APOL4: variants seen among roughly 807,000 people sequenced by gnomAD.
The protein encoded by APOL4 is apolipoprotein L4, also known as apolipoprotein L, 4.
A neutral mutation model predicts 12.1 loss-of-function variants in APOL4; 14 were observed. The ratio of observed to expected loss-of-function variants is 1.16; its 90% CI spans 0.76 to 1.81. The LOEUF (loss-of-function observed/expected upper bound fraction) is 1.81, where lower values mean the gene tolerates loss of function less well. Among genes scored for constraint, APOL4 ranks in the 40% most tolerant of loss-of-function variants. The pLI is 0.00. For missense variants in APOL4, 432 were observed against 423.1 expected (o/e 1.02, Z -0.18); for synonymous variants, 171 against 160.6 (o/e 1.06, Z -0.49).
At chr22:36,195,121 T>A in intron 3 of APOL4, 190 bp downstream of exon 3, 2 of 655,394 alleles carry the variant, frequency 3.1e-6, no homozygotes, top group Non-Finnish European at 2.4e-6. Context: ...TCTTCTCCCC[T>A]CAGCCTGAGG....
Position 36,191,200 on chromosome 22 carries a change from C to T in APOL4, c.922G>A (p.Asp308Asn). The T allele has an allele frequency of 6.2e-7, 1 of 1,613,918 alleles. No individual in the cohort carries two copies. The highest frequency in any genetic ancestry group is 8.5e-7 in the Non-Finnish European group (1 of 1,179,838). ...VVLDVVNLVQ[D>N]SLDLHKGAKS... is the part of the protein sequence containing the mutation. ...GCCCCCTTGTGCAAGTCCAGTGAGT[C>T]TTGCACAAGGTTGACTACATCCAGC... The change falls in exon 4 of 4, where the codon GAC (aspartate) becomes AAC (asparagine). Residue 308 changes from aspartate to asparagine, a missense_variant. Coordinates refer to ENST00000683024, the MANE Select transcript of APOL4 (RefSeq NM_001386885.1).
chr22:36,203,180 G>A (rs1460307007), upstream of APOL4, among the ~76,000 whole-genome samples: 3 of 152,204 alleles, frequency 2.0e-5, no homozygotes, highest in South Asian at 2.1e-4. Context: ...CCAGTGCAAC[G>A]GGGCTCTCTC....
intron 1 of APOL4, 39 bp downstream of exon 1, chr22:36,201,661 G>C (rs1201997698): frequency 6.4e-7 from 1 of 1,570,828 alleles, no homozygotes; most frequent in Admixed American, 1.8e-5. Context: ...GGAGAGAGCA[G>C]AGGAGCAGGA....
At chr22:36,196,295 G>A (rs188300743) in intron 2 of APOL4, among the ~76,000 whole-genome samples, 5 of 152,280 alleles carry the variant, frequency 3.3e-5, no homozygotes, top group Admixed American at 2.0e-4. Context: ...GCAAGAGTGA[G>A]TATTCTTTTG....
intron 1 of APOL4, among the ~76,000 whole-genome samples, chr22:36,200,429 C>G (rs1414462210): frequency 6.6e-6 from 1 of 152,238 alleles, no homozygotes; most frequent in Non-Finnish European, 1.5e-5. Flanking sequence ...CTGTGTCCCC[C>G]TTGCTTCTCT....
At chr22:36,197,561 C>A in intron 2 of APOL4, 2 of 1,408,918 alleles carry the variant, frequency 1.4e-6, no homozygotes, top group Admixed American at 3.1e-5. Flanking sequence ...CAAAACCAAC[C>A]AGACCTTCAG....
At chr22:36,201,377 C>T (rs941018592) in intron 1 of APOL4, among the ~76,000 whole-genome samples, 1 of 150,832 alleles carries the variant, frequency 6.6e-6, no homozygotes, top group African/African-American at 2.5e-5. Context: ...CCACTCGCCT[C>T]CCTCTTTCCC....
In APOL4 at chr22:36,191,114, A is replaced by G. The variant is rs1457677947; in HGVS notation, c.1008T>C (p.Asn336=). 3 of 1,609,638 alleles carry G rather than the reference A, an allele frequency of 1.9e-6. No homozygotes were observed. Among genetic ancestry groups the G allele is most frequent in the South Asian group, 2.2e-5 (2 of 90,218 alleles). The change falls in exon 4 of 4, where the codon AAT becomes AAC. Residue 336 remains asparagine, a synonymous_variant. Coordinates refer to ENST00000683024, the MANE Select transcript of APOL4 (RefSeq NM_001386885.1). ...QWAQELEENL[N]ELTHIHQSLK... is the part of the protein sequence containing the mutation. ...GACTCTGATGGATATGGGTGAGCTCATTGAGATTCTCCTCCAGCTCCTGAG... is the reference window on the plus strand; with the variant it reads ...GACTCTGATGGATATGGGTGAGCTCGTTGAGATTCTCCTCCAGCTCCTGAG...
chr22:36,199,264 G>A (rs2014499270), intron 2 of APOL4, 66 bp downstream of exon 2: 2 of 1,598,358 alleles, frequency 1.3e-6, no homozygotes, highest in East Asian at 2.2e-5. Context: ...CATTCTAGCT[G>A]TGGGTAGGAA....
Position 36,191,575 on chromosome 22 carries a change from C to T in APOL4, c.547G>A (p.Gly183Arg). The T allele has an allele frequency of 6.2e-7, 1 of 1,613,692 alleles. No individual in the cohort carries two copies. The highest frequency in any genetic ancestry group is 8.5e-7 in the Non-Finnish European group (1 of 1,179,740). Residue 183 changes from glycine (G) to arginine (R), a missense_variant, in exon 4 of 4, where the codon GGG becomes AGG. By Grantham distance (125) the Gly-to-Arg change is moderately radical (BLOSUM62 -2). Coordinates refer to ENST00000683024, the MANE Select transcript of APOL4 (RefSeq NM_001386885.1). ...TTCTCCACGATGCTGGAGGCGATCC[C>T]AGCCGTGGCAGATGCTATTCCCAGC... ...VGLGIASATA[G>R]IASSIVENTY... is the part of the protein sequence containing the mutation.
rs1049112292 is a variant in APOL4 at position 36,190,193 on chromosome 22, G to A, written c.*882C>T. 2.3e-5 allele frequency: 3 copies of A among 130,500 alleles called. No individual in the cohort carries two copies. Among genetic ancestry groups the A allele is most frequent in the Admixed American group, 7.7e-5 (1 of 12,944 alleles). 8.1% of individuals were successfully genotyped at this position (130,500 alleles called of 1,614,324 possible). A position where few individuals can be genotyped will look rare whatever the true frequency, so the allele number is the denominator to read the frequency against. On this transcript the variant is annotated 3_prime_UTR_variant, in exon 4 of 4. Coordinates refer to ENST00000683024, the MANE Select transcript of APOL4 (RefSeq NM_001386885.1). Reference sequence around the variant, plus strand: ...AAGTTTTTATTAGGGACTTTCAAAAGGGGAGGGAGTGTATGAATAGGGTGT... The same window carrying A: ...AAGTTTTTATTAGGGACTTTCAAAAAGGGAGGGAGTGTATGAATAGGGTGT...
intron 1 of APOL4, chr22:36,199,665 G>C: frequency 6.5e-7 from 1 of 1,549,572 alleles, no homozygotes; most frequent in South Asian, 1.2e-5. Context: ...GATCATTACA[G>C]AAACTACACA....
At position 36,190,002 on chromosome 22, in the gene APOL4, A is replaced by C. The variant is rs1392127644; in HGVS notation, c.*1073T>G. ...CTCTGGGGTCATTGGGTATCGGGGA[A>C]CCTGCCCCGATGGTCACGTAGGTTC... On this transcript the variant is annotated 3_prime_UTR_variant, in exon 4 of 4. Coordinates refer to ENST00000683024, the MANE Select transcript of APOL4 (RefSeq NM_001386885.1). The C allele has an allele frequency of 4.9e-6, 1 of 202,474 alleles. No homozygotes were observed. The highest frequency in any genetic ancestry group is 1.1e-5 in the Non-Finnish European group (1 of 95,014). 12.5% of individuals were successfully genotyped at this position (202,474 alleles called of 1,614,324 possible). A position where few individuals can be genotyped will look rare whatever the true frequency, so the allele number is the denominator to read the frequency against.
intron 2 of APOL4, among the ~76,000 whole-genome samples, chr22:36,196,553 C>A (rs906543848): frequency 1.3e-5 from 2 of 152,186 alleles, no homozygotes; most frequent in Admixed American, 6.5e-5. Context: ...TAGTACACAG[C>A]AGGATTACTG....
rs187572798 is a variant in APOL4, at chr22:36,190,877, T to C, written c.*198A>G. The C allele has an allele frequency of 1.1e-3, 667 of 582,438 alleles. 14 individuals are homozygous for C. The Admixed American group carries it at 0.017, about 15-fold the overall frequency. 36.1% of individuals were successfully genotyped at this position (582,438 alleles called of 1,614,324 possible). A position where few individuals can be genotyped will look rare whatever the true frequency, so the allele number is the denominator to read the frequency against. The stretch of plus-strand genomic sequence containing the variant: ...GCATAAGAAATCACAAGGGTATTGA[T>C]TGGGGAAGTGATCAGTGTCCATGAA... On this transcript the variant is annotated 3_prime_UTR_variant, in exon 4 of 4. Coordinates refer to ENST00000683024, the MANE Select transcript of APOL4 (RefSeq NM_001386885.1).
chr22:36,200,480 C>G (rs1217371119), intron 1 of APOL4, among the ~76,000 whole-genome samples: 2 of 152,230 alleles, frequency 1.3e-5, no homozygotes, highest in Non-Finnish European at 2.9e-5. Context: ...CTGCCAGATG[C>G]CGGCCTAGCC....
In APOL4 at chr22:36,191,200, CTT is replaced by C. The variant is rs749822846; in HGVS notation, c.920_921del (p.Gln307ArgfsTer15). 3 of 1,613,918 alleles carry C rather than the reference CTT, an allele frequency of 1.9e-6. No individual in the cohort carries two copies. In the South Asian group the frequency reaches 3.3e-5, roughly 18 times the overall value. ...GCCCCCTTGTGCAAGTCCAGTGAGTCTTGCACAAGGTTGACTACATCCAGCAC... is the reference window on the plus strand; with the variant it reads ...GCCCCCTTGTGCAAGTCCAGTGAGTCGCACAAGGTTGACTACATCCAGCAC... Reference protein sequence around the residue: ...LVVLDVVNLVQDSLDLHKGAK... With the variant: ...LVVLDVVNLVXDSLDLHKGAK... On this transcript the variant is annotated frameshift_variant, in exon 4 of 4. Coordinates refer to ENST00000683024, the MANE Select transcript of APOL4 (RefSeq NM_001386885.1). LOFTEE classifies it low-confidence loss of function (END_TRUNC).
intron 1 of APOL4, among the ~76,000 whole-genome samples, chr22:36,200,237 C>T (rs990462000): frequency 1.1e-4 from 17 of 152,352 alleles, no homozygotes; most frequent in Admixed American, 9.8e-4. Flanking sequence ...TTTTCTATTG[C>T]TAGAGCCAGG....
intron 2 of APOL4, among the ~76,000 whole-genome samples, chr22:36,196,342 AAT>A (rs1489447033): frequency 6.6e-6 from 1 of 152,200 alleles, no homozygotes. Flanking sequence ...CCCTTATGTA[AAT>A]TCCTGGGATC....
Sources: allele counts gnomAD v4.1 joint callset (sites outside exome capture counted in the v4.1 genomes callset), GRCh38; gene constraint gnomAD v4.1.1; transcripts MANE v1.5; gene names NCBI Gene and HGNC (gene_info 2026-07-23, HGNC 2026-07-21).